The following SCAF8 variants were observed in gnomAD, a reference collection of about 807,000 sequenced individuals.
SCAF8 encodes SR-related and CTD-associated factor 8.
In SCAF8, 23 loss-of-function variants were observed where a neutral mutation model predicts 140.5. That is an observed-to-expected ratio of 0.16 (90% confidence interval 0.12 to 0.23). SCAF8 has a LOEUF of 0.23. SCAF8 is among the 10% of genes least tolerant of loss of function. SCAF8 has a pLI of 1.00. For missense variants in SCAF8, 1,397 were observed against 1,555.7 expected (o/e 0.90, Z 1.72); for synonymous variants, 575 against 528.9 (o/e 1.09, Z -1.20).
At chr6:154,773,268 G>T (rs1337929204) in intron 1 of SCAF8, among the ~76,000 whole-genome samples, 1 of 152,030 alleles carries the variant, frequency 6.6e-6, no homozygotes, top group African/African-American at 2.4e-5. Context: ...CAATAGATTT[G>T]CCCTTTCTGG....
intron 1 of SCAF8, chr6:154,741,983 G>T: frequency 1.3e-6 from 2 of 1,533,986 alleles, no homozygotes; most frequent in South Asian, 2.4e-5. Flanking sequence ...TGCTTGTACA[G>T]ACTGCTTTTC....
At chr6:154,741,455 G>T (rs1399681841) in intron 1 of SCAF8, among the ~76,000 whole-genome samples, 1 of 151,786 alleles carries the variant, frequency 6.6e-6, no homozygotes, top group East Asian at 1.9e-4. Flanking sequence ...CGCCCGGGCT[G>T]GAGTGCAGAG....
chr6:154,832,977 G>A lies in SCAF8; in HGVS notation c.3398G>A (p.Arg1133Lys), dbSNP rs139144062. ...FRSGNYRFDP[R>K]SGPWNRGFGQ... ...TCTGGAAACTATCGATTTGATCCTA[G>A]AAGTGGTCCTTGGAACCGAGGATTT... The change falls in exon 20 of 20, where the codon AGA becomes AAA. Residue 1133 changes from arginine to lysine, a missense_variant. Coordinates refer to ENST00000367178, the MANE Select transcript of SCAF8 (RefSeq NM_014892.5). 6.2e-7 allele frequency: 1 copy of A among 1,614,152 alleles called. No homozygotes were observed. The highest frequency in any genetic ancestry group is 2.2e-5 in the East Asian group (1 of 44,880).
At chr6:154,783,896 C>T (rs1019925676) in intron 3 of SCAF8, among the ~76,000 whole-genome samples, 6 of 151,480 alleles carry the variant, frequency 4.0e-5, no homozygotes, top group Admixed American at 2.0e-4. Context: ...ATGGTGAAAT[C>T]CCGTCTCTAC....
At chr6:154,825,655 C>CAAAA (rs34342159) in intron 17 of SCAF8, among the ~76,000 whole-genome samples, 2,795 of 63,428 alleles carry the variant, frequency 0.044, 278 homozygotes, top group African/African-American at 0.14. Flanking sequence ...GACCTTGTCT[C>CAAAA]AAAAAAAAAA....
chr6:154,831,282 C>G, intron 19 of SCAF8, 142 bp downstream of exon 19: 1 of 573,714 alleles, frequency 1.7e-6, no homozygotes, highest in Non-Finnish European at 3.0e-6. Flanking sequence ...ATCACTATGT[C>G]CTAAAATTTC....
intron 1 of SCAF8, among the ~76,000 whole-genome samples, chr6:154,752,259 T>G (rs1778856145): frequency 6.6e-6 from 1 of 152,218 alleles, no homozygotes; most frequent in African/African-American, 2.4e-5. Context: ...GGTGGTTTTA[T>G]CATTTACAAA....
At chr6:154,821,804 T>C (rs1254578132) in intron 15 of SCAF8, among the ~76,000 whole-genome samples, 1 of 152,242 alleles carries the variant, frequency 6.6e-6, no homozygotes, top group African/African-American at 2.4e-5. Flanking sequence ...TTTGTCTTAC[T>C]TGATCTTTAC....
intron 2 of SCAF8, among the ~76,000 whole-genome samples, chr6:154,777,682 T>C (rs1776957533): frequency 6.6e-6 from 1 of 152,250 alleles, no homozygotes; most frequent in African/African-American, 2.4e-5. Context: ...CAGTACTTAT[T>C]AGAAGTATTT....
At chr6:154,823,462 A>C (rs1279634890) in intron 16 of SCAF8, among the ~76,000 whole-genome samples, 2 of 152,150 alleles carry the variant, frequency 1.3e-5, no homozygotes, top group Non-Finnish European at 2.9e-5. Flanking sequence ...ATGAGAAAAG[A>C]GTGGAGGTAA....
At chr6:154,817,211 A>G (rs1029438014) in intron 13 of SCAF8, among the ~76,000 whole-genome samples, 3 of 152,206 alleles carry the variant, frequency 2.0e-5, no homozygotes, top group Admixed American at 1.3e-4. Flanking sequence ...GATGTCTTCA[A>G]ATTTTTAGCA....
In SCAF8 at chr6:154,833,441, C is replaced by G; in HGVS notation, c.*46C>G. 1.9e-6 allele frequency: 3 copies of G among 1,559,170 alleles called. No individual in the cohort carries two copies. The highest frequency in any genetic ancestry group is 2.2e-5 in the East Asian group (1 of 44,600). ...GATACCTTTTGTAAAGTTGTCATCT[C>G]TCTGTAATAGATAATGGCTGACTGG... On this transcript the variant is annotated 3_prime_UTR_variant, in exon 20 of 20. Coordinates refer to ENST00000367178, the MANE Select transcript of SCAF8 (RefSeq NM_014892.5).
At chr6:154,741,684 G>A (rs1458709803) in intron 1 of SCAF8, among the ~76,000 whole-genome samples, 8 of 152,130 alleles carry the variant, frequency 5.3e-5, no homozygotes, top group Non-Finnish European at 1.2e-4. Context: ...TGGGATTACA[G>A]GTGTGAGCCA....
rs1016095731 is a variant in SCAF8, at chr6:154,799,328, G to C, written c.607-2643G>C. ...GGATGTCACTATGTTGCCCAGGCTG[G>C]TCTCAGACTCCTGGCCTCAAGCAGT... On this transcript the variant is annotated intron_variant, in intron 6 of 19. Transcript: ENST00000367178. Among the ~76,000 whole-genome samples, 2 of 150,986 alleles carry C rather than the reference G, an allele frequency of 1.3e-5. 1 individual carries two copies. The highest frequency in any genetic ancestry group is 1.3e-4 in the Admixed American group (2 of 15,194).
chr6:154,823,551 GTTA>G (rs753130743), intron 16 of SCAF8, among the ~76,000 whole-genome samples: 11 of 152,158 alleles, frequency 7.2e-5, no homozygotes, highest in Admixed American at 6.5e-4. Flanking sequence ...TGGATTTGGG[GTTA>G]TTATGAGCAA....
intron 9 of SCAF8, among the ~76,000 whole-genome samples, chr6:154,805,690 T>C (rs1369691439): frequency 1.3e-5 from 2 of 152,084 alleles, no homozygotes; most frequent in Non-Finnish European, 2.9e-5. Flanking sequence ...ACCATTTTTT[T>C]CAGGACCTTT....
At chr6:154,794,509 A>G (rs1333562345) in intron 5 of SCAF8, among the ~76,000 whole-genome samples, 5 of 152,154 alleles carry the variant, frequency 3.3e-5, no homozygotes, top group African/African-American at 9.7e-5. Flanking sequence ...CCATATTCAC[A>G]TAACTTTTTT....
intron 4 of SCAF8, among the ~76,000 whole-genome samples, chr6:154,791,102 A>C (rs1385709452): frequency 6.6e-6 from 1 of 152,238 alleles, no homozygotes; most frequent in Non-Finnish European, 1.5e-5. Flanking sequence ...GATACTTCTT[A>C]CAAAATACTG....
intron 7 of SCAF8, among the ~76,000 whole-genome samples, chr6:154,802,562 A>G (rs1777801222): frequency 2.0e-5 from 3 of 152,100 alleles, no homozygotes; most frequent in Admixed American, 6.6e-5. Flanking sequence ...GGTTGCAGTG[A>G]GCCAAGATTG....
Sources: allele counts gnomAD v4.1 joint callset (sites outside exome capture counted in the v4.1 genomes callset), GRCh38; gene constraint gnomAD v4.1.1; transcripts MANE v1.5; gene names NCBI Gene and HGNC (gene_info 2026-07-23, HGNC 2026-07-21).